Variants in SND1 observed in about 807,000 individuals in gnomAD.
SND1 encodes the protein staphylococcal nuclease domain-containing protein 1.
SND1 carries 38 observed loss-of-function variants against 121.7 expected under a neutral mutation model. The ratio of observed to expected loss-of-function variants is 0.31; its 90% CI spans 0.24 to 0.41. The LOEUF (loss-of-function observed/expected upper bound fraction) is 0.41, where lower values mean the gene tolerates loss of function less well. SND1 is among the 10% of genes least tolerant of loss of function. SND1 has a pLI of 1.00. For missense variants in SND1, 868 were observed against 1,184.6 expected (o/e 0.73, Z 3.92); for synonymous variants, 401 against 447.4 (o/e 0.90, Z 1.31).
At chr7:127,973,116 C>CAA (rs1646024431) in intron 15 of SND1, among the ~76,000 whole-genome samples, 1 of 152,094 alleles carries the variant, frequency 6.6e-6, no homozygotes, top group Non-Finnish European at 1.5e-5. Flanking sequence ...AAGGAGCAGC[C>CAA]CTGTTTAAGG....
rs1414440555 is a variant in SND1, at chr7:128,054,525, C to A, written c.1780-19977C>A. Among the ~76,000 whole-genome samples, 3 of 152,222 alleles carry A rather than the reference C, an allele frequency of 2.0e-5. No homozygotes were observed. The East Asian group carries it at 5.8e-4, about 29-fold the overall frequency. ...TGTTCTGCATAGCAGATATGAATGCCTTGCACGGAGGTTGGCATTAGCAAT... is the reference window on the plus strand; with the variant it reads ...TGTTCTGCATAGCAGATATGAATGCATTGCACGGAGGTTGGCATTAGCAAT... On this transcript the variant is annotated intron_variant, in intron 16 of 23. Transcript: ENST00000354725.
chr7:127,724,363 C>T (rs958014159), intron 10 of SND1, among the ~76,000 whole-genome samples: 1 of 152,182 alleles, frequency 6.6e-6, no homozygotes, highest in South Asian at 2.1e-4. Context: ...TGGAGAGCAG[C>T]AATGACAAGA....
chr7:127,860,272 G>A (rs1799351687), intron 12 of SND1, among the ~76,000 whole-genome samples: 1 of 152,156 alleles, frequency 6.6e-6, no homozygotes, highest in East Asian at 1.9e-4. Flanking sequence ...GAATGTTTAT[G>A]GGTGAGACAA....
chr7:127,763,666 T>A (rs190906945), intron 10 of SND1, among the ~76,000 whole-genome samples: 8 of 152,288 alleles, frequency 5.3e-5, no homozygotes, highest in Non-Finnish European at 1.0e-4. Context: ...ATCTTTTTTT[T>A]AAGGAAAAAC....
At chr7:127,818,035 G>C (rs149716448) in intron 11 of SND1, among the ~76,000 whole-genome samples, 6 of 152,048 alleles carry the variant, frequency 3.9e-5, no homozygotes, top group African/African-American at 4.8e-5. Flanking sequence ...TATGGAGAAG[G>C]CCTGTCATAT....
chr7:128,030,941 G>A (rs1253768645), intron 16 of SND1: 1 of 289,346 alleles, frequency 3.5e-6, no homozygotes, highest in East Asian at 6.1e-5. Flanking sequence ...AAGCACTGGC[G>A]TGGTGTCCTT....
chr7:127,935,896 T>C (rs1052702335), intron 15 of SND1, among the ~76,000 whole-genome samples: 1 of 152,184 alleles, frequency 6.6e-6, no homozygotes, highest in South Asian at 2.1e-4. Context: ...CCCAGCCTTT[T>C]GGAGAGCCTT....
chr7:128,028,913 T>G (rs1443902198), intron 16 of SND1: 1 of 1,612,830 alleles, frequency 6.2e-7, no homozygotes, highest in Non-Finnish European at 8.5e-7. Flanking sequence ...ATGTTGCTGC[T>G]GGGATGTCTT....
intron 16 of SND1, among the ~76,000 whole-genome samples, chr7:128,024,724 C>T (rs570341048): frequency 3.3e-5 from 5 of 152,246 alleles, no homozygotes; most frequent in South Asian, 2.1e-4. Flanking sequence ...CCTCCATTGA[C>T]GATAGGATGC....
intron 2 of SND1, among the ~76,000 whole-genome samples, chr7:127,693,278 G>A (rs943239998): frequency 2.0e-5 from 3 of 152,088 alleles, no homozygotes. Context: ...AGATTGGGGT[G>A]GGGGGTAGAA....
chr7:127,687,783 A>C (rs765394328), intron 2 of SND1, among the ~76,000 whole-genome samples: 1 of 152,144 alleles, frequency 6.6e-6, no homozygotes, highest in Non-Finnish European at 1.5e-5. Context: ...TCCCAGGCTC[A>C]AGTGATCTTC....
Position 128,081,394 on chromosome 7 carries a change from A to G in SND1, c.2003A>G (p.Glu668Gly). 1 of 1,614,034 alleles carries G rather than the reference A, an allele frequency of 6.2e-7. No homozygotes were observed. Among genetic ancestry groups the G allele is most frequent in the Non-Finnish European group, 8.5e-7 (1 of 1,180,000 alleles). ...CACTATGAGGAGCAGCCCGTGGAGG[A>G]GGTGATGCCAGTGCTGGAGGAGAAG... ...WAHYEEQPVE[E>G]VMPVLEEKER... The change falls in exon 18 of 24, where the codon GAG becomes GGG. Residue 668 changes from glutamate (E) to glycine (G), a missense_variant. Coordinates refer to ENST00000354725, the MANE Select transcript of SND1 (RefSeq NM_014390.4).
At chr7:127,977,180 C>T (rs953515641) in intron 15 of SND1, among the ~76,000 whole-genome samples, 2 of 152,196 alleles carry the variant, frequency 1.3e-5, no homozygotes, top group African/African-American at 2.4e-5. Flanking sequence ...CCACCACCCC[C>T]ATTGGACGTT....
At chr7:127,658,715 G>A (rs1440903588) in intron 1 of SND1, among the ~76,000 whole-genome samples, 2 of 152,258 alleles carry the variant, frequency 1.3e-5, no homozygotes, top group Non-Finnish European at 2.9e-5. Flanking sequence ...ATTAACATGA[G>A]TGGGAACTTC....
At chr7:127,872,210 T>A (rs1799602911) in intron 12 of SND1, among the ~76,000 whole-genome samples, 1 of 152,094 alleles carries the variant, frequency 6.6e-6, no homozygotes, top group Non-Finnish European at 1.5e-5. Flanking sequence ...ATTTTATAGG[T>A]ATGGAAACTG....
chr7:128,054,345 T>A (rs1049212244), intron 16 of SND1, among the ~76,000 whole-genome samples: 12 of 152,174 alleles, frequency 7.9e-5, no homozygotes, highest in African/African-American at 2.9e-4. Flanking sequence ...GTTGGTGTTC[T>A]TAAAGACAGC....
chr7:128,061,864 G>C (rs1264933464), intron 16 of SND1, among the ~76,000 whole-genome samples: 1 of 152,246 alleles, frequency 6.6e-6, no homozygotes, highest in African/African-American at 2.4e-5. Context: ...GTCATACCGA[G>C]CAAGAATCCA....
At chr7:127,884,348 G>C (rs1799853185) in intron 12 of SND1, among the ~76,000 whole-genome samples, 1 of 152,130 alleles carries the variant, frequency 6.6e-6, no homozygotes, top group Non-Finnish European at 1.5e-5. Context: ...TGGCAGTCAT[G>C]AAAATGTGCC....
At chr7:127,769,248 G>T (rs1797471992) in intron 10 of SND1, among the ~76,000 whole-genome samples, 1 of 146,310 alleles carries the variant, frequency 6.8e-6, no homozygotes, top group African/African-American at 2.5e-5. Flanking sequence ...TAGGTAGAGT[G>T]TTTTTTTTTT....
Sources: gnomAD v4.1 joint callset for allele counts (sites outside exome capture counted in the v4.1 genomes callset) on GRCh38, gnomAD v4.1.1 for gene constraint, MANE v1.5 for transcripts, NCBI Gene and HGNC (gene_info 2026-07-23, HGNC 2026-07-21) for gene names.